Variants in SLC25A48 observed in about 807,000 individuals in gnomAD.
The protein encoded by SLC25A48 is CTC-321K16.1.
In SLC25A48, 29 loss-of-function variants were observed where a neutral mutation model predicts 32.2. That is an observed-to-expected ratio of 0.90 (90% CI 0.67 to 1.23). The LOEUF (loss-of-function observed/expected upper bound fraction) is 1.23, where lower values mean the gene tolerates loss of function less well. SLC25A48 is among the 50% of genes most tolerant of loss of function. The pLI is 0.00. For missense variants in SLC25A48, 399 were observed against 422.7 expected (o/e 0.94, Z 0.49); for synonymous variants, 164 against 172.3 (o/e 0.95, Z 0.38).
At chr5:135,814,922 G>A (rs1413294657) in intron 4 of SLC25A48, among the ~76,000 whole-genome samples, 2 of 152,238 alleles carry the variant, frequency 1.3e-5, no homozygotes, top group Non-Finnish European at 2.9e-5. Flanking sequence ...TGAACTGGCA[G>A]GGCCTTACTG....
chr5:135,689,724 G>A (rs1288766105), intron 3 of SLC25A48, among the ~76,000 whole-genome samples: 1 of 152,196 alleles, frequency 6.6e-6, no homozygotes, highest in African/African-American at 2.4e-5. Flanking sequence ...GAAAGTGCCT[G>A]TCTCTGTAAC....
intron 3 of SLC25A48, among the ~76,000 whole-genome samples, chr5:135,721,812 G>C (rs140556282): frequency 3.5e-4 from 54 of 152,352 alleles, no homozygotes; most frequent in Non-Finnish European, 6.8e-4. Context: ...CACTGACTGG[G>C]AGGGTGCCAG....
chr5:135,675,406 C>A (rs1424417897), intron 3 of SLC25A48, among the ~76,000 whole-genome samples: 1 of 151,750 alleles, frequency 6.6e-6, no homozygotes, highest in Admixed American at 6.6e-5. Flanking sequence ...AGCCATAAAA[C>A]CTTGGCCTGC....
At chr5:135,778,726 G>A (rs1018556656) in intron 3 of SLC25A48, among the ~76,000 whole-genome samples, 11 of 86,174 alleles carry the variant, frequency 1.3e-4, no homozygotes, top group African/African-American at 2.3e-4. Flanking sequence ...AAGATGGAGA[G>A]GATGATACTA....
At position 135,780,120 on chromosome 5, in the gene SLC25A48, G is replaced by A. The variant is rs1429883456; in HGVS notation, c.-520-32403G>A. Among the ~76,000 whole-genome samples the A allele has an allele frequency of 8.1e-5, 9 of 111,244 alleles. 2 individuals are homozygous for A. Among genetic ancestry groups the A allele is most frequent in the African/African-American group, 2.4e-4 (9 of 37,172 alleles). 73.0% of individuals were successfully genotyped at this position (111,244 alleles called of 152,430 possible). A position where few individuals can be genotyped will look rare whatever the true frequency, so the allele number is the denominator to read the frequency against. ...AAAGGATGATATTATTCCCAATATC[G>A]CAGGTGGTGTAAACCGTGCCTGTGT... is the stretch of plus-strand genomic sequence containing the variant. On this transcript the variant is annotated intron_variant, in intron 3 of 10. Transcript: ENST00000646290.
intron 1 of SLC25A48, among the ~76,000 whole-genome samples, chr5:135,587,772 A>C (rs1751404631): frequency 6.6e-6 from 1 of 152,256 alleles, no homozygotes; most frequent in Non-Finnish European, 1.5e-5. Context: ...AAGGCCATAA[A>C]AGAATTGTCA....
chr5:135,668,854 A>G (rs986538687), intron 3 of SLC25A48, among the ~76,000 whole-genome samples: 2 of 152,244 alleles, frequency 1.3e-5, no homozygotes, highest in South Asian at 2.1e-4. Context: ...GCAATTTAAC[A>G]CAATAGGTAT....
intron 1 of SLC25A48, among the ~76,000 whole-genome samples, chr5:135,594,643 T>C (rs1107293): frequency 0.042 from 6,323 of 152,226 alleles, 450 homozygotes; most frequent in African/African-American, 0.14. Context: ...CTGTTCTTCC[T>C]CTTGGTTGGC....
chr5:135,752,452 A>G (rs965312312), intron 3 of SLC25A48, among the ~76,000 whole-genome samples: 2 of 152,238 alleles, frequency 1.3e-5, no homozygotes, highest in Non-Finnish European at 2.9e-5. Context: ...ACAATATTAC[A>G]AATAGTATCA....
At chr5:135,728,996 C>T (rs970694990) in intron 3 of SLC25A48, among the ~76,000 whole-genome samples, 6 of 152,138 alleles carry the variant, frequency 3.9e-5, no homozygotes, top group Non-Finnish European at 8.8e-5. Context: ...TAGTTCAGAG[C>T]TCTGTGTCCT....
chr5:135,628,756 G>A (rs1752494625), intron 1 of SLC25A48, among the ~76,000 whole-genome samples: 1 of 152,148 alleles, frequency 6.6e-6, no homozygotes. Flanking sequence ...ACAAATACAA[G>A]AGGAGCCTCT....
chr5:135,869,453 G>A (rs1761473265), intron 4 of SLC25A48, among the ~76,000 whole-genome samples: 1 of 152,348 alleles, frequency 6.6e-6, no homozygotes, highest in East Asian at 1.9e-4. Context: ...GACAAGGCCA[G>A]TTGGAGGTTT....
At chr5:135,839,652 G>C (rs144192446) in intron 1 of SLC25A48, among the ~76,000 whole-genome samples, 1 of 152,146 alleles carries the variant, frequency 6.6e-6, no homozygotes, top group Non-Finnish European at 1.5e-5. Context: ...TTTGGGAGGG[G>C]CCAGGAGTGG....
At chr5:135,766,236 G>T (rs924192907) in intron 3 of SLC25A48, among the ~76,000 whole-genome samples, 1 of 151,334 alleles carries the variant, frequency 6.6e-6, no homozygotes, top group Admixed American at 6.6e-5. Context: ...CCCATATCGC[G>T]GTGGGTGTAC....
chr5:135,640,508 T>C (rs1383741489), intron 3 of SLC25A48, among the ~76,000 whole-genome samples: 1 of 152,062 alleles, frequency 6.6e-6, no homozygotes, highest in Non-Finnish European at 1.5e-5. Flanking sequence ...ACCTTCCGCA[T>C]GATACAATAC....
Position 135,871,595 on chromosome 5 carries a change from C to A in SLC25A48, c.556C>A (p.Leu186Met). The change falls in exon 5 of 8, where the codon CTG becomes ATG. Residue 186 changes from leucine to methionine, a missense_variant. Physicochemically the swap from Leu to Met is conservative, Grantham distance 15 (BLOSUM62 2). Transcript: ENST00000681962. The part of the protein sequence containing the change: ...GLYRGASAML[L>M]RDVPGYCLYF... ...ATACCGGGGGGCCAGTGCCATGCTG[C>A]TGAGGGATGTCCCAGGCTATTGCCT... The A allele has an allele frequency of 6.2e-7, 1 of 1,614,188 alleles. No individual in the cohort carries two copies. The highest frequency in any genetic ancestry group is 8.5e-7 in the Non-Finnish European group (1 of 1,180,016).
intron 3 of SLC25A48, among the ~76,000 whole-genome samples, chr5:135,705,554 A>T (rs1024185512): frequency 6.6e-6 from 1 of 152,246 alleles, no homozygotes; most frequent in African/African-American, 2.4e-5. Context: ...GCAAGTTTCA[A>T]TTCAAGCTAG....
chr5:135,775,001 A>AG (rs1756512112), intron 3 of SLC25A48, among the ~76,000 whole-genome samples: 1 of 151,696 alleles, frequency 6.6e-6, no homozygotes, highest in Non-Finnish European at 1.5e-5. Context: ...CCTAATATCC[A>AG]GGGGGTGACA....
intron 7 of SLC25A48, among the ~76,000 whole-genome samples, chr5:135,887,593 C>G (rs763708110): frequency 6.6e-6 from 1 of 152,138 alleles, no homozygotes; most frequent in Non-Finnish European, 1.5e-5. Flanking sequence ...CAGGAATCCG[C>G]GTCTGGGAGT....
Sources: allele counts gnomAD v4.1 joint callset (sites outside exome capture counted in the v4.1 genomes callset), GRCh38; gene constraint gnomAD v4.1.1; transcripts MANE v1.5; gene names NCBI Gene and HGNC (gene_info 2026-07-23, HGNC 2026-07-21).